Variants in GABRG3 observed in about 807,000 individuals in gnomAD.
GABRG3 encodes gamma-aminobutyric acid type A receptor subunit gamma3.
A neutral mutation model predicts 48.8 loss-of-function variants in GABRG3; 25 were observed. The ratio of observed to expected loss-of-function variants is 0.51; its 90% confidence interval spans 0.37 to 0.72. The LOEUF (loss-of-function observed/expected upper bound fraction) is 0.72, where lower values mean the gene tolerates loss of function less well. Among genes scored for constraint, GABRG3 ranks in the 30% least tolerant of loss-of-function variants. GABRG3 has a pLI of 0.00. For synonymous variants in GABRG3, 227 were observed against 217.6 expected, an observed-to-expected ratio of 1.04 and a Z score of -0.38; for missense variants, 394 against 577.9, an observed-to-expected ratio of 0.68 and a Z score of 3.26.
rs903763062 is a variant in GABRG3, at chr15:27,076,393, G to C, written c.270+49572G>C. 2.8e-5 allele frequency among the ~76,000 whole-genome samples: 4 copies of C among 144,276 alleles called. No homozygotes were observed. The South Asian group carries it at 8.7e-4, about 31-fold the overall frequency. The allele number at this position is 144,276 out of a possible 152,430, so 94.7% of individuals were successfully genotyped here. On this transcript the variant is annotated intron_variant, in intron 3 of 9. Coordinates refer to ENST00000615808, the MANE Select transcript of GABRG3 (RefSeq NM_033223.5). ...GGCTGGAGTGCAATGGCATGATCTC[G>C]GCTCACTGCAACCTCCACCTCCTGG...
intron 3 of GABRG3, among the ~76,000 whole-genome samples, chr15:27,284,636 A>G (rs148834972): frequency 3.5e-4 from 53 of 152,302 alleles, no homozygotes; most frequent in African/African-American, 1.2e-3. Flanking sequence ...CACTTGGATA[A>G]GTCTAAAAAT....
chr15:27,266,595 T>G (rs1467602752), intron 3 of GABRG3, among the ~76,000 whole-genome samples: 2 of 152,220 alleles, frequency 1.3e-5, no homozygotes, highest in African/African-American at 4.8e-5. Context: ...GGATTTTGAT[T>G]AGGAATGCAT....
intron 5 of GABRG3, among the ~76,000 whole-genome samples, chr15:27,467,149 G>A (rs1368817156): frequency 6.6e-6 from 1 of 152,132 alleles, no homozygotes; most frequent in African/African-American, 2.4e-5. Context: ...TGTCTGGTGA[G>A]GGCCCTCTTC....
At chr15:27,379,987 CT>C (rs138324164) in intron 5 of GABRG3, among the ~76,000 whole-genome samples, 55,513 of 147,322 alleles carry the variant, frequency 0.38, 10,544 homozygotes, top group African/African-American at 0.44. Context: ...GTTTTCCTAT[CT>C]TTTTTTTTTT....
At chr15:27,493,064 T>A (rs1471689288) in intron 6 of GABRG3, among the ~76,000 whole-genome samples, 4 of 152,206 alleles carry the variant, frequency 2.6e-5, no homozygotes, top group Non-Finnish European at 5.9e-5. Context: ...CCATAATGCT[T>A]TTCTTCTTAA....
chr15:27,032,179 C>A (rs1218945578), intron 3 of GABRG3, among the ~76,000 whole-genome samples: 1 of 152,084 alleles, frequency 6.6e-6, no homozygotes, highest in African/African-American at 2.4e-5. Flanking sequence ...CTATTGAGTT[C>A]TTGATTTCAG....
rs1356517362 is a variant in GABRG3 at position 27,198,398 on chromosome 15, A to C, written c.271-128411A>C. On this transcript the variant is annotated intron_variant, in intron 3 of 9. Transcript: ENST00000615808. ...TGGCCAAAAAACATATGAAAAAAAGATCATCATCACTGGTCATTAGAGAAA... is the reference window on the plus strand; with the variant it reads ...TGGCCAAAAAACATATGAAAAAAAGCTCATCATCACTGGTCATTAGAGAAA... Among the ~76,000 whole-genome samples, 8 of 152,326 alleles carry C rather than the reference A, an allele frequency of 5.3e-5. 1 individual carries two copies. Among genetic ancestry groups the C allele is most frequent in the African/African-American group, 1.9e-4 (8 of 41,576 alleles).
chr15:27,272,163 T>C (rs546228048), intron 3 of GABRG3, among the ~76,000 whole-genome samples: 5 of 152,366 alleles, frequency 3.3e-5, no homozygotes, highest in African/African-American at 9.6e-5. Context: ...CCCTCTTTCT[T>C]ATACTGTATT....
intron 3 of GABRG3, among the ~76,000 whole-genome samples, chr15:27,078,311 T>C (rs1268408146): frequency 6.6e-6 from 1 of 152,206 alleles, no homozygotes; most frequent in Non-Finnish European, 1.5e-5. Flanking sequence ...GTGAGCCAGT[T>C]CCTTCCAATA....
intron 3 of GABRG3, among the ~76,000 whole-genome samples, chr15:27,308,000 T>G: frequency 7.2e-6 from 1 of 139,244 alleles, no homozygotes; most frequent in East Asian, 2.2e-4. Flanking sequence ...CATATACGTT[T>G]ATAATAAACG....
At chr15:27,296,947 C>T (rs906694830) in intron 3 of GABRG3, among the ~76,000 whole-genome samples, 2 of 151,438 alleles carry the variant, frequency 1.3e-5, no homozygotes, top group Non-Finnish European at 2.9e-5. Flanking sequence ...TCCATGTGTG[C>T]TATTGCCCCT....
At chr15:27,110,704 ACT>A (rs1421488785) in intron 3 of GABRG3, among the ~76,000 whole-genome samples, 5 of 151,324 alleles carry the variant, frequency 3.3e-5, no homozygotes, top group Non-Finnish European at 7.4e-5. Context: ...ATTTTCCTTC[ACT>A]CTCTTCTTGC....
chr15:27,241,632 T>A (rs971019629), intron 3 of GABRG3, among the ~76,000 whole-genome samples: 6 of 152,206 alleles, frequency 3.9e-5, no homozygotes, highest in Admixed American at 2.6e-4. Flanking sequence ...CACTTTCCAT[T>A]TAAATGTTTC....
rs529712806 is a variant in GABRG3, at chr15:27,329,191, A to G, written c.574+303A>G. Among the ~76,000 whole-genome samples the G allele has an allele frequency of 1.2e-4, 19 of 152,348 alleles. 1 individual carries two copies. The highest frequency in any genetic ancestry group is 1.2e-3 in the Admixed American group (18 of 15,300). On this transcript the variant is annotated intron_variant, in intron 5 of 9. Transcript: ENST00000615808. ...CTTATGCTAATGAGCTGTGCATACTATTTGGAAGTATACAAAATTCCTATG... is the reference window on the plus strand; with the variant it reads ...CTTATGCTAATGAGCTGTGCATACTGTTTGGAAGTATACAAAATTCCTATG...
intron 5 of GABRG3, among the ~76,000 whole-genome samples, chr15:27,410,845 CGTGTGTGTGTGTGTGTGTGTGT>C (rs61423614): frequency 1.5e-4 from 21 of 143,628 alleles, no homozygotes; most frequent in Non-Finnish European, 2.7e-4. Flanking sequence ...TGCGCACGCT[CGTGTGTGTGTGTGTGTGTGTGT>C]GTGTGTGTGT....
chr15:27,388,087 GAGGGAGGAAAGGGAGGGAGGGAAAAGA>G lies in GABRG3; in HGVS notation c.574+59203_574+59229del, dbSNP rs201234414. 5.2e-3 allele frequency among the ~76,000 whole-genome samples: 257 copies of G among 49,754 alleles called. 16 individuals carry two copies. The highest frequency in any genetic ancestry group is 0.015 in the African/African-American group (163 of 10,596). 32.6% of individuals were successfully genotyped at this position (49,754 alleles called of 152,430 possible). ...AGGGTAAGGAAGGAAGGAAGGAAAG[GAGGGAGGAAAGGGAGGGAGGGAAAAGA>G]AGGAAGGAAGGAAAGGAGGGAGGGA... is the stretch of plus-strand genomic sequence containing the variant. On this transcript the variant is annotated intron_variant, in intron 5 of 9. Transcript: ENST00000615808.
intron 5 of GABRG3, among the ~76,000 whole-genome samples, chr15:27,449,377 G>C (rs748474015): frequency 1.8e-4 from 28 of 152,104 alleles, no homozygotes; most frequent in Non-Finnish European, 2.1e-4. Flanking sequence ...TCTGCAGAAG[G>C]TTTCCTTATC....
At chr15:27,025,667 G>C (rs1259734094) in intron 2 of GABRG3, among the ~76,000 whole-genome samples, 1 of 152,204 alleles carries the variant, frequency 6.6e-6, no homozygotes, top group Non-Finnish European at 1.5e-5. Flanking sequence ...TTACGAGACC[G>C]AGAGCTCAGA....
Position 27,328,858 on chromosome 15 carries a change from G to C in GABRG3, c.544G>C (p.Glu182Gln). Residue 182 changes from glutamate to glutamine, a missense_variant, in exon 5 of 10, where the codon GAA becomes CAA. Around this residue, in one of 3 missense-constraint regions of GABRG3, gnomAD observed 218 missense variants for 309.9 expected, o/e 0.70. Transcript: ENST00000615808. ...QLQLHNFPMD[E>Q]HSCPLIFSSY... ...GCAGCTGCACAACTTCCCCATGGAC[G>C]AACACTCCTGCCCGCTGATTTTCTC... 1.2e-6 allele frequency: 2 copies of C among 1,614,004 alleles called. No homozygotes were observed. The highest frequency in any genetic ancestry group is 1.7e-6 in the Non-Finnish European group (2 of 1,179,866).
Sources: allele counts gnomAD v4.1 joint callset (sites outside exome capture counted in the v4.1 genomes callset), GRCh38; gene constraint gnomAD v4.1.1; regional missense constraint gnomAD v4.1.1; transcripts MANE v1.5; gene names NCBI Gene and HGNC (gene_info 2026-07-23, HGNC 2026-07-21).